FAM111B: variants seen among roughly 807,000 people sequenced by gnomAD.
FAM111B encodes serine protease FAM111B.
In FAM111B, 1 loss-of-function variant was observed where a neutral mutation model predicts 2.8. The ratio of observed to expected loss-of-function variants is 0.36; its 90% CI spans 0.13 to 1.70. The LOEUF (loss-of-function observed/expected upper bound fraction) is 1.70, where lower values mean the gene tolerates loss of function less well. FAM111B is among the 40% of genes most tolerant of loss of function. The pLI is 0.35. For synonymous variants in FAM111B, 297 were observed against 295.6 expected, an observed-to-expected ratio of 1.00 and a Z score of -0.05; for missense variants, 882 against 878.9, an observed-to-expected ratio of 1.00 and a Z score of -0.04.
intron 3 of FAM111B, among the ~76,000 whole-genome samples, chr11:59,110,848 G>T (rs949395930): frequency 1.2e-4 from 18 of 152,198 alleles, no homozygotes; most frequent in African/African-American, 4.1e-4. Context: ...CAAGAATATG[G>T]TAGGCAAATA....
At chr11:59,108,267 G>A (rs1859697557) in intron 1 of FAM111B, among the ~76,000 whole-genome samples, 1 of 152,242 alleles carries the variant, frequency 6.6e-6, no homozygotes, top group African/African-American at 2.4e-5. Flanking sequence ...GAGAGGGTTG[G>A]TGGAAAGTTA....
At chr11:59,113,900 C>T (rs1590888562) in intron 3 of FAM111B, among the ~76,000 whole-genome samples, 3 of 152,194 alleles carry the variant, frequency 2.0e-5, no homozygotes, top group South Asian at 2.1e-4. Flanking sequence ...CCTGGCCCCT[C>T]GGCAAACTTT....
chr11:59,124,722 A>G lies in FAM111B; in HGVS notation c.625A>G (p.Ser209Gly). 6.2e-7 allele frequency: 1 copy of G among 1,613,764 alleles called. No individual in the cohort carries two copies. The highest frequency in any genetic ancestry group is 1.1e-5 in the South Asian group (1 of 91,032). The change falls in exon 4 of 4, where the codon AGT (serine) becomes GGT (glycine). Residue 209 changes from serine (S) to glycine (G), a missense_variant. Ser to Gly is a moderately conservative substitution (Grantham distance 56). Coordinates refer to ENST00000343597, the MANE Select transcript of FAM111B (RefSeq NM_198947.4). ...GATCAACGAACTTCATGAAAAAGGA[A>G]GTAAACTTTGTATTTATGCCTTGAA... ...VKINELHEKG[S>G]KLCIYALKGE...
chr11:59,117,256 A>G (rs1181151763), intron 3 of FAM111B, among the ~76,000 whole-genome samples: 1 of 152,140 alleles, frequency 6.6e-6, no homozygotes. Context: ...TTTGAGTTGG[A>G]ATTTGCTATC....
chr11:59,125,476 C>T lies in FAM111B; in HGVS notation c.1379C>T (p.Ser460Leu). The T allele has an allele frequency of 6.2e-7, 1 of 1,613,908 alleles. No individual in the cohort carries two copies. The highest frequency in any genetic ancestry group is 8.5e-7 in the Non-Finnish European group (1 of 1,179,834). ...GAACAGCTTACATATTATAGCAAGTCAGTTGGGTTCATGCAATGGGACAAT... is the reference window on the plus strand; with the variant it reads ...GAACAGCTTACATATTATAGCAAGTTAGTTGGGTTCATGCAATGGGACAAT... Reference protein sequence around the residue: ...TCEQLTYYSKSVGFMQWDNNG... With the variant: ...TCEQLTYYSKLVGFMQWDNNG... The change falls in exon 4 of 4, where the codon TCA becomes TTA. Residue 460 changes from serine (S) to leucine (L), a missense_variant. By Grantham distance (145) the Ser-to-Leu change is moderately radical. Transcript: ENST00000343597.
chr11:59,115,795 G>A (rs1859830140), intron 3 of FAM111B, among the ~76,000 whole-genome samples: 1 of 152,188 alleles, frequency 6.6e-6, no homozygotes, highest in Admixed American at 6.5e-5. Context: ...ATGAGGTAAA[G>A]TCCTGTGTGC....
chr11:59,121,186 A>G (rs945067247), intron 3 of FAM111B, among the ~76,000 whole-genome samples: 1 of 152,210 alleles, frequency 6.6e-6, no homozygotes, highest in African/African-American at 2.4e-5. Flanking sequence ...AAAAATCAAG[A>G]AGAAATTCAG....
At chr11:59,113,097 T>C (rs1859784093) in intron 3 of FAM111B, among the ~76,000 whole-genome samples, 1 of 152,236 alleles carries the variant, frequency 6.6e-6, no homozygotes, top group Non-Finnish European at 1.5e-5. Flanking sequence ...ACATTTCTAG[T>C]TTTCTTCCAG....
Position 59,125,351 on chromosome 11 carries a change from AG to A in FAM111B, c.1255del (p.Glu419AsnfsTer5). 3.1e-6 allele frequency: 5 copies of A among 1,613,974 alleles called. No homozygotes were observed. Among genetic ancestry groups the A allele is most frequent in the Non-Finnish European group, 4.2e-6 (5 of 1,179,852 alleles). On this transcript the variant is annotated frameshift_variant, in exon 4 of 4. Transcript: ENST00000343597. LOFTEE classifies it low-confidence loss of function (END_TRUNC). ...AQWVRKYFREEQKRMNLSPAK... is the reference protein window; with the variant it reads ...AQWVRKYFREXQKRMNLSPAK... ...AGTGGGTAAGAAAATATTTTCGGGA[AG>A]AACAAAAGAGAATGAATCTTTCACC...
At chr11:59,122,286 T>C (rs1406189496) in intron 3 of FAM111B, among the ~76,000 whole-genome samples, 1 of 152,248 alleles carries the variant, frequency 6.6e-6, no homozygotes, top group Non-Finnish European at 1.5e-5. Context: ...TATATGTCCC[T>C]AAATAAGTGT....
At position 59,125,650 on chromosome 11, in the gene FAM111B, C is replaced by T. The variant is rs771169485; in HGVS notation, c.1553C>T (p.Thr518Ile). 1.9e-6 allele frequency: 3 copies of T among 1,613,928 alleles called. No homozygotes were observed. Among genetic ancestry groups the T allele is most frequent in the South Asian group, 1.1e-5 (1 of 91,082 alleles). ...AGCAAATGTGCGAAGGTAACCTTCA[C>T]TTATACAGAGTTCTGCCCTACTCCT... ...IISKCAKVTF[T>I]YTEFCPTPDN... Residue 518 changes from threonine (T) to isoleucine (I), a missense_variant, in exon 4 of 4, where the codon ACT becomes ATT. By Grantham distance (89) the Thr-to-Ile change is moderately conservative. Coordinates refer to ENST00000343597, the MANE Select transcript of FAM111B (RefSeq NM_198947.4).
rs80144337 is a variant in FAM111B at position 59,113,765 on chromosome 11, C to T, written c.81+4059C>T. ...CATAAGTTATTGGGACTTATGTATG[C>T]CAGATGCAACAGTCTGCCCGGCACA... On this transcript the variant is annotated intron_variant, in intron 3 of 3. Coordinates refer to ENST00000343597, the MANE Select transcript of FAM111B (RefSeq NM_198947.4). 9.5e-3 allele frequency among the ~76,000 whole-genome samples: 1,439 copies of T among 152,224 alleles called. 24 individuals carry two copies. Among genetic ancestry groups the T allele is most frequent in the African/African-American group, 0.033 (1,370 of 41,538 alleles).
At position 59,113,784 on chromosome 11, in the gene FAM111B, C is replaced by T. The variant is rs75690737; in HGVS notation, c.81+4078C>T. Among the ~76,000 whole-genome samples the T allele has an allele frequency of 5.3e-5, 8 of 152,106 alleles. No homozygotes were observed. The East Asian group carries it at 7.7e-4, about 15-fold the overall frequency. ...TGTATGCCAGATGCAACAGTCTGCC[C>T]GGCACATTAGACACATCTTATGGGA... On this transcript the variant is annotated intron_variant, in intron 3 of 3. Transcript: ENST00000343597.
At chr11:59,121,612 A>T (rs1383022593) in intron 3 of FAM111B, among the ~76,000 whole-genome samples, 2 of 152,194 alleles carry the variant, frequency 1.3e-5, no homozygotes, top group African/African-American at 4.8e-5. Flanking sequence ...GTCTTCAAAT[A>T]TTTATTGATA....
chr11:59,115,021 G>A (rs1859818363), intron 3 of FAM111B, among the ~76,000 whole-genome samples: 1 of 152,144 alleles, frequency 6.6e-6, no homozygotes, highest in African/African-American at 2.4e-5. Context: ...GTTCAGAGAT[G>A]GGAGGGTGCT....
intron 3 of FAM111B, among the ~76,000 whole-genome samples, chr11:59,118,582 T>G (rs1182723562): frequency 1.3e-5 from 2 of 152,256 alleles, no homozygotes; most frequent in East Asian, 3.8e-4. Flanking sequence ...TGGCTAAAAC[T>G]TCCATCACAA....
At chr11:59,112,162 A>T (rs1273071023) in intron 3 of FAM111B, among the ~76,000 whole-genome samples, 3 of 152,010 alleles carry the variant, frequency 2.0e-5, no homozygotes, top group Non-Finnish European at 4.4e-5. Context: ...TGTTCTCCCC[A>T]CTTGTGCCCT....
intron 3 of FAM111B, among the ~76,000 whole-genome samples, chr11:59,122,200 T>G (rs1859934318): frequency 6.6e-6 from 1 of 152,182 alleles, no homozygotes; most frequent in African/African-American, 2.4e-5. Flanking sequence ...GAAGAACATA[T>G]TCAGCTGGAT....
chr11:59,107,382 A>G (rs1452048863), intron 1 of FAM111B, 86 bp downstream of exon 1: 2 of 152,526 alleles, frequency 1.3e-5, no homozygotes, highest in Admixed American at 1.3e-4. Flanking sequence ...ACCTCAGCCC[A>G]AAGTCAAGGG....
Sources: gnomAD v4.1 joint callset for allele counts (sites outside exome capture counted in the v4.1 genomes callset) on GRCh38, gnomAD v4.1.1 for gene constraint, MANE v1.5 for transcripts, NCBI Gene and HGNC (gene_info 2026-07-23, HGNC 2026-07-21) for gene names.